Variants in CTNNA3 observed in about 807,000 individuals in gnomAD.
CTNNA3 encodes the protein catenin alpha 3, also known as catenin alpha-3.
CTNNA3 carries 76 observed loss-of-function variants against 95.7 expected under a neutral mutation model. The ratio of observed to expected loss-of-function variants is 0.79; its 90% CI spans 0.66 to 0.96. The LOEUF (loss-of-function observed/expected upper bound fraction) is 0.96, where lower values mean the gene tolerates loss of function less well. CTNNA3 is among the 40% of genes least tolerant of loss of function. CTNNA3 has a pLI of 0.00. For synonymous variants in CTNNA3, 431 were observed against 374.4 expected (o/e 1.15, Z -1.74); for missense variants, 1,191 against 1,089.8 (o/e 1.09, Z -1.31).
chr10:67,705,199 C>CCATT (rs1227914784), intron 1 of CTNNA3, among the ~76,000 whole-genome samples: 2 of 152,066 alleles, frequency 1.3e-5, no homozygotes, highest in African/African-American at 4.8e-5. Flanking sequence ...ACTAGTTCAA[C>CCATT]CATTGTGGAA....
intron 5 of CTNNA3, among the ~76,000 whole-genome samples, chr10:67,495,949 T>C (rs1052335373): frequency 1.3e-5 from 2 of 152,176 alleles, no homozygotes; most frequent in Non-Finnish European, 2.9e-5. Context: ...GTAGGCACTA[T>C]CTCCTAACAT....
At position 66,767,154 on chromosome 10, in the gene CTNNA3, A is replaced by T. The variant is rs556974028; in HGVS notation, c.1129-738T>A. 1.8e-4 allele frequency among the ~76,000 whole-genome samples: 28 copies of T among 152,294 alleles called. 1 individual carries two copies. Among genetic ancestry groups the T allele is most frequent in the South Asian group, 4.1e-4 (2 of 4,828 alleles). ...TTTATATAATATCGAGTCTTTAAAG[A>T]TCATAATATCGGGCCAGGCACAGTG... On this transcript the variant is annotated intron_variant, in intron 8 of 17. Transcript: ENST00000433211.
intron 13 of CTNNA3, among the ~76,000 whole-genome samples, chr10:66,139,534 G>T (rs1202263521): frequency 6.6e-6 from 1 of 152,102 alleles, no homozygotes; most frequent in Admixed American, 6.5e-5. Flanking sequence ...CTTTATGTGT[G>T]TTCAGAGGTT....
At chr10:67,151,329 CAGTGAATAAA>C (rs1861082535) in intron 7 of CTNNA3, among the ~76,000 whole-genome samples, 1 of 112,964 alleles carries the variant, frequency 8.9e-6, no homozygotes. Flanking sequence ...TGCAAACTTA[CAGTGAATAAA>C]AAAAAATAAG....
At chr10:67,715,863 A>C (rs754142584) in intron 1 of CTNNA3, among the ~76,000 whole-genome samples, 3 of 152,108 alleles carry the variant, frequency 2.0e-5, no homozygotes, top group Non-Finnish European at 2.9e-5. Flanking sequence ...ACAGGTGAAA[A>C]AGTTTGGGGC....
At chr10:66,454,036 A>T (rs189779253) in intron 11 of CTNNA3, among the ~76,000 whole-genome samples, 190 of 147,082 alleles carry the variant, frequency 1.3e-3, no homozygotes, top group African/African-American at 4.7e-3. Context: ...GAGAGGCAGA[A>T]GAGTAGGTCA....
chr10:67,186,615 T>G (rs1180090282), intron 6 of CTNNA3, among the ~76,000 whole-genome samples: 1 of 152,196 alleles, frequency 6.6e-6, no homozygotes, highest in African/African-American at 2.4e-5. Context: ...GAAATGGCAC[T>G]GGATTTGTTT....
At chr10:67,652,871 C>T (rs933241701) in intron 1 of CTNNA3, among the ~76,000 whole-genome samples, 1 of 152,138 alleles carries the variant, frequency 6.6e-6, no homozygotes, top group Non-Finnish European at 1.5e-5. Flanking sequence ...TCAGCATGTC[C>T]TGCCAGACCT....
At chr10:67,724,128 C>A (rs911792226) in intron 1 of CTNNA3, among the ~76,000 whole-genome samples, 1 of 152,122 alleles carries the variant, frequency 6.6e-6, no homozygotes, top group Non-Finnish European at 1.5e-5. Flanking sequence ...TTTCTTCTGC[C>A]CAGTCCCTCA....
intron 9 of CTNNA3, among the ~76,000 whole-genome samples, chr10:66,678,554 G>T (rs1589112681): frequency 6.6e-6 from 1 of 152,154 alleles, no homozygotes; most frequent in African/African-American, 2.4e-5. Context: ...AACAGGGAAT[G>T]CAGAAGGGGC....
intron 13 of CTNNA3, among the ~76,000 whole-genome samples, chr10:66,187,873 A>G (rs1042955798): frequency 2.6e-5 from 4 of 152,160 alleles, no homozygotes; most frequent in Non-Finnish European, 5.9e-5. Context: ...AAACAAATAA[A>G]GGGCCATTCA....
chr10:66,523,905 T>C (rs1224603430), intron 10 of CTNNA3, among the ~76,000 whole-genome samples: 2 of 152,160 alleles, frequency 1.3e-5, no homozygotes, highest in East Asian at 3.9e-4. Context: ...ACAAACACCA[T>C]ATTTCTTTTC....
At chr10:65,930,204 A>G (rs1200810403) in intron 17 of CTNNA3, among the ~76,000 whole-genome samples, 2 of 133,942 alleles carry the variant, frequency 1.5e-5, no homozygotes, top group African/African-American at 3.3e-5. Context: ...CTCAGTAAAA[A>G]AAAAAAAAAA....
chr10:65,980,894 C>T lies in CTNNA3; in HGVS notation c.2265+7798G>A, dbSNP rs116501324. Among the ~76,000 whole-genome samples, 1,199 of 151,870 alleles carry T rather than the reference C, an allele frequency of 7.9e-3. 12 individuals are homozygous for T. The highest frequency in any genetic ancestry group is 0.028 in the African/African-American group (1,146 of 41,452). On this transcript the variant is annotated intron_variant, in intron 16 of 17. Transcript: ENST00000433211. ...AACCCACAGCCAATATTATACTGAA[C>T]GGGGAAAAGTTGAAAGCATTTCACC... is the stretch of plus-strand genomic sequence containing the variant.
At chr10:66,182,334 C>T (rs895634117) in intron 13 of CTNNA3, among the ~76,000 whole-genome samples, 10 of 151,000 alleles carry the variant, frequency 6.6e-5, no homozygotes, top group Middle Eastern at 3.2e-3. Flanking sequence ...TGGCTCACTG[C>T]GAGCTCCGCC....
chr10:66,276,425 A>G (rs1345079736), intron 13 of CTNNA3, among the ~76,000 whole-genome samples: 1 of 152,094 alleles, frequency 6.6e-6, no homozygotes, highest in African/African-American at 2.4e-5. Context: ...TACTCTTTTA[A>G]AATTTCCTCC....
At chr10:66,538,761 G>A (rs1430357176) in intron 10 of CTNNA3, among the ~76,000 whole-genome samples, 1 of 152,128 alleles carries the variant, frequency 6.6e-6, no homozygotes, top group Non-Finnish European at 1.5e-5. Flanking sequence ...AAAGATAAAT[G>A]TCTTCTGTCA....
intron 7 of CTNNA3, among the ~76,000 whole-genome samples, chr10:66,975,191 C>G (rs1464523227): frequency 6.6e-6 from 1 of 152,146 alleles, no homozygotes; most frequent in East Asian, 1.9e-4. Flanking sequence ...TGATAGCTAG[C>G]TCAATAACTG....
At position 66,050,313 on chromosome 10, in the gene CTNNA3, CT is replaced by C. The variant is rs141695001; in HGVS notation, c.2159+18994del. On this transcript the variant is annotated intron_variant, in intron 15 of 17. Coordinates refer to ENST00000433211, the MANE Select transcript of CTNNA3 (RefSeq NM_013266.4). ...AACTCTCTATCATCCTCAGAATTATCTTTTTCCTTTAATTCACATTTCAGTA... is the reference window on the plus strand; with the variant it reads ...AACTCTCTATCATCCTCAGAATTATCTTTTCCTTTAATTCACATTTCAGTA... Among the ~76,000 whole-genome samples, 552 of 148,346 alleles carry C rather than the reference CT, an allele frequency of 3.7e-3. 3 individuals are homozygous for C. Among genetic ancestry groups the C allele is most frequent in the African/African-American group, 0.012 (506 of 40,676 alleles).
Sources: gnomAD v4.1 joint callset for allele counts (sites outside exome capture counted in the v4.1 genomes callset) on GRCh38, gnomAD v4.1.1 for gene constraint, MANE v1.5 for transcripts, NCBI Gene and HGNC (gene_info 2026-07-23, HGNC 2026-07-21) for gene names.